Variants in TBC1D9 observed in about 807,000 individuals in gnomAD.
The protein encoded by TBC1D9 is TBC1 domain family member 9.
TBC1D9 carries 63 observed loss-of-function variants against 132.0 expected under a neutral mutation model. The ratio of observed to expected loss-of-function variants is 0.48; its 90% CI spans 0.39 to 0.59. TBC1D9 has a LOEUF of 0.59. Ranked by LOEUF, TBC1D9 falls within the 20% of genes least tolerant of loss-of-function variation. The pLI, the probability that TBC1D9 is intolerant of heterozygous loss-of-function variation, is 0.00. For missense variants in TBC1D9, 1,261 were observed against 1,592.7 expected, an observed-to-expected ratio of 0.79 and a Z score of 3.54; for synonymous variants, 610 against 609.9, an observed-to-expected ratio of 1.00 and a Z score of 0.00.
chr4:140,699,812 T>C (rs2111037916), intron 2 of TBC1D9, among the ~76,000 whole-genome samples: 1 of 152,294 alleles, frequency 6.6e-6, no homozygotes, highest in South Asian at 2.1e-4. Flanking sequence ...TTATAACAAA[T>C]GTACCATAGT....
chr4:140,661,909 T>A lies in TBC1D9; in HGVS notation c.1787A>T (p.Asn596Ile), dbSNP rs760535578. Reference sequence around the variant, plus strand: ...GACATTTACCTGGCAATACCCTATGTTGGGATTTCGAAAAGCATAAGCTGT... The same window carrying A: ...GACATTTACCTGGCAATACCCTATGATGGGATTTCGAAAAGCATAAGCTGT... ...VLTAYAFRNP[N>I]IGYCQAMNIV... The change falls in exon 10 of 21, where the codon AAC becomes ATC. Residue 596 changes from asparagine to isoleucine, a missense_variant. Coordinates refer to ENST00000442267, the MANE Select transcript of TBC1D9 (RefSeq NM_015130.3). 6.2e-7 allele frequency: 1 copy of A among 1,613,830 alleles called. No individual in the cohort carries two copies. The highest frequency in any genetic ancestry group is 8.5e-7 in the Non-Finnish European group (1 of 1,179,792).
chr4:140,700,576 T>C, intron 2 of TBC1D9, among the ~76,000 whole-genome samples: 1 of 152,006 alleles, frequency 6.6e-6, no homozygotes, highest in Non-Finnish European at 1.5e-5. Flanking sequence ...TCCTAGCACT[T>C]TGGGAGGCTG....
chr4:140,682,101 C>T (rs1737712472), intron 3 of TBC1D9, among the ~76,000 whole-genome samples: 1 of 151,958 alleles, frequency 6.6e-6, no homozygotes, highest in Non-Finnish European at 1.5e-5. Flanking sequence ...GGGGCCATAT[C>T]TTAGTCTTTA....
Position 140,756,256 on chromosome 4 carries a change from C to G in TBC1D9, c.-211G>C, listed in dbSNP as rs959271143. The G allele has an allele frequency of 3.8e-4, 118 of 311,660 alleles. No homozygotes were observed. The highest frequency in any genetic ancestry group is 5.6e-4 in the Non-Finnish European group (96 of 171,852). 19.3% of individuals were successfully genotyped at this position (311,660 alleles called of 1,614,324 possible). A position where few individuals can be genotyped will look rare whatever the true frequency, so the allele number is the denominator to read the frequency against. On this transcript the variant is annotated 5_prime_UTR_variant, in exon 1 of 21. Coordinates refer to ENST00000442267, the MANE Select transcript of TBC1D9 (RefSeq NM_015130.3). The surrounding 1 kb of genome is among the most constrained non-coding windows in gnomAD (Gnocchi z 5.6). ...AGGCGGCCCGGGAGGACGGTGAGGA[C>G]GCGGGCGCGGCAAGCAGCATCCTCC... is the stretch of plus-strand genomic sequence containing the variant.
At chr4:140,725,744 C>T (rs1056848802) in intron 1 of TBC1D9, among the ~76,000 whole-genome samples, 2 of 151,848 alleles carry the variant, frequency 1.3e-5, no homozygotes, top group Admixed American at 1.3e-4. Context: ...CAATTGTTCA[C>T]TGAAAAAAGC....
At chr4:140,707,787 A>G (rs1738171053) in intron 1 of TBC1D9, among the ~76,000 whole-genome samples, 1 of 151,902 alleles carries the variant, frequency 6.6e-6, no homozygotes, top group African/African-American at 2.4e-5. Context: ...GCAAACTTCT[A>G]TTTCCCTCAA....
chr4:140,659,101 A>G (rs1737317673), intron 11 of TBC1D9, among the ~76,000 whole-genome samples: 2 of 152,238 alleles, frequency 1.3e-5, no homozygotes, highest in South Asian at 4.1e-4. Flanking sequence ...GAGTAACAGC[A>G]ATAATTTAAA....
intron 2 of TBC1D9, among the ~76,000 whole-genome samples, chr4:140,689,201 C>G (rs898948349): frequency 1.3e-5 from 2 of 152,108 alleles, no homozygotes; most frequent in African/African-American, 4.8e-5. Context: ...CTCGGCTCAG[C>G]CAGGATAATC....
intron 1 of TBC1D9, among the ~76,000 whole-genome samples, chr4:140,720,283 A>G (rs78096627): frequency 0.02 from 3,075 of 152,312 alleles, 61 homozygotes; most frequent in South Asian, 0.059. Context: ...TCAATAAAAC[A>G]AAAAGTTTCT....
rs1736615629 is a variant in TBC1D9 at position 140,621,654 on chromosome 4, T to C, written c.*541A>G. 6.6e-6 allele frequency: 1 copy of C among 152,260 alleles called. No individual in the cohort carries two copies. Among genetic ancestry groups the C allele is most frequent in the African/African-American group, 2.4e-5 (1 of 41,472 alleles). 9.4% of individuals were successfully genotyped at this position (152,260 alleles called of 1,614,324 possible). A position where few individuals can be genotyped will look rare whatever the true frequency, so the allele number is the denominator to read the frequency against. On this transcript the variant is annotated 3_prime_UTR_variant, in exon 21 of 21. Transcript: ENST00000442267. The stretch of plus-strand genomic sequence containing the variant: ...AACATCTGTGGAATATGATTTTGAA[T>C]AGAGGACTTCTATGAAATATATTTC...
intron 6 of TBC1D9, among the ~76,000 whole-genome samples, chr4:140,675,776 G>A (rs369290458): frequency 1.3e-5 from 2 of 152,144 alleles, no homozygotes; most frequent in African/African-American, 4.8e-5. Context: ...GAAATCAGCC[G>A]AGCAGAGCCC....
rs1297227211 is a variant in TBC1D9, at chr4:140,669,737, C to T, written c.1334G>A (p.Gly445Glu). The change falls in exon 8 of 21, where the codon GGA (glycine) becomes GAA (glutamate). Residue 445 changes from glycine (G) to glutamate (E), a missense_variant. Physicochemically the swap from Gly to Glu is moderately conservative, Grantham distance 98. This residue lies in a region of TBC1D9 where 550 missense variants were observed against 699.0 expected (regional missense o/e 0.79). Transcript: ENST00000442267. ...PQRSTSSDADGERQFNLNGNS... is the reference protein window; with the variant it reads ...PQRSTSSDADEERQFNLNGNS... ...GCCATTTAGGTTAAACTGGCGCTCT[C>T]CATCAGCATCAGAGCTCGTGCTTCT... 5 of 1,613,878 alleles carry T rather than the reference C, an allele frequency of 3.1e-6. No homozygotes were observed. Among genetic ancestry groups the T allele is most frequent in the Non-Finnish European group, 4.2e-6 (5 of 1,179,902 alleles).
chr4:140,701,447 G>T, intron 2 of TBC1D9, 57 bp downstream of exon 2: 8 of 1,329,242 alleles, frequency 6.0e-6, no homozygotes, highest in Admixed American at 1.8e-5. Flanking sequence ...CTGATAAAAA[G>T]TTGTTAACCC....
At chr4:140,722,321 G>A (rs1316916964) in intron 1 of TBC1D9, among the ~76,000 whole-genome samples, 5 of 152,222 alleles carry the variant, frequency 3.3e-5, no homozygotes, top group African/African-American at 1.2e-4. Context: ...CTGCAACCAA[G>A]TGTGGTTGTT....
intron 2 of TBC1D9, among the ~76,000 whole-genome samples, chr4:140,694,934 CTG>C (rs951428375): frequency 1.3e-5 from 2 of 152,048 alleles, no homozygotes; most frequent in African/African-American, 2.4e-5. Context: ...TCTTAACTCA[CTG>C]TGTTTCTAAA....
At chr4:140,704,566 AG>A (rs1435118496) in intron 1 of TBC1D9, among the ~76,000 whole-genome samples, 2 of 152,144 alleles carry the variant, frequency 1.3e-5, no homozygotes, top group Non-Finnish European at 2.9e-5. Flanking sequence ...AGCAGCGGAC[AG>A]GGGCAGTCCT....
chr4:140,657,364 A>G, intron 12 of TBC1D9, 138 bp from the exon 13 acceptor site: 3 of 1,365,838 alleles, frequency 2.2e-6, no homozygotes, highest in Non-Finnish European at 2.0e-6. Context: ...AGAGAAAGAA[A>G]TTCTGTTAAT....
intron 1 of TBC1D9, among the ~76,000 whole-genome samples, chr4:140,713,645 A>G (rs549399129): frequency 1.3e-5 from 2 of 152,084 alleles, no homozygotes; most frequent in South Asian, 4.2e-4. Context: ...AGACTGAGGC[A>G]GGAGGATCAC....
At chr4:140,642,224 G>C (rs1737012275) in intron 13 of TBC1D9, 4 of 729,880 alleles carry the variant, frequency 5.5e-6, no homozygotes, top group South Asian at 4.7e-5. Context: ...TCTCCTTCAG[G>C]AATTCTTCGT....
Sources: gnomAD v4.1 joint callset for allele counts (sites outside exome capture counted in the v4.1 genomes callset) on GRCh38, gnomAD v4.1.1 for gene constraint, gnomAD v4.1.1 regional missense constraint, Gnocchi (gnomAD v3.1) non-coding constraint, MANE v1.5 for transcripts, NCBI Gene and HGNC (gene_info 2026-07-23, HGNC 2026-07-21) for gene names.